Variants in BCL7B observed in about 807,000 individuals in gnomAD.
The protein encoded by BCL7B is B-cell CLL/lymphoma 7 protein family member B.
BCL7B carries 11 observed loss-of-function variants against 26.5 expected under a neutral mutation model. That is an observed-to-expected ratio of 0.42 (90% CI 0.26 to 0.69). The LOEUF is 0.69. Ranked by LOEUF, BCL7B falls within the 30% of genes least tolerant of loss-of-function variation. The probability of loss-of-function intolerance (pLI) is 0.28; values close to 1 mark genes in which losing one functional copy is unlikely to be tolerated. For missense variants in BCL7B, 215 were observed against 264.4 expected, an observed-to-expected ratio of 0.81 and a Z score of 1.30; for synonymous variants, 111 against 107.9, an observed-to-expected ratio of 1.03 and a Z score of -0.18.
intron 1 of BCL7B, 155 bp downstream of exon 1, chr7:73,557,332 C>G: frequency 8.5e-7 from 1 of 1,176,914 alleles, no homozygotes; most frequent in Non-Finnish European, 1.1e-6. Context: ...CGCCCTCTGA[C>G]CTCACGCCGA....
At position 73,537,328 on chromosome 7, in the gene BCL7B, G is replaced by A. The variant is rs1390236271; in HGVS notation, c.579C>T (p.Pro193=). The stretch of plus-strand genomic sequence containing the variant: ...TTTCTGACGCCGTCTGCGGCACTGT[G>A]GGTTGGTCCACACAGAAGCGCTTCA... ...PPLKRFCVDQ[P]TVPQTASES Residue 193 remains proline (P), a synonymous_variant, in exon 6 of 6, where the codon CCC becomes CCT. Transcript: ENST00000223368. 1.9e-6 allele frequency: 3 copies of A among 1,614,034 alleles called. No individual in the cohort carries two copies. The highest frequency in any genetic ancestry group is 1.1e-5 in the South Asian group (1 of 91,090).
chr7:73,540,070 C>T lies in BCL7B; in HGVS notation c.266-18G>A. 1.9e-6 allele frequency: 3 copies of T among 1,610,130 alleles called. No individual in the cohort carries two copies. The highest frequency in any genetic ancestry group is 2.5e-6 in the Non-Finnish European group (3 of 1,178,372). On this transcript the variant is annotated intron_variant, in intron 3 of 5. Transcript: ENST00000223368. ...GTTTTCGTCTGAAAACCAAACAGAA[C>T]AAAGGCAGCAGCTGAGCGTGGTCAT...
In BCL7B at chr7:73,557,418, C is replaced by G. The variant is rs545627817; in HGVS notation, c.92+69G>C. 221 of 1,225,968 alleles carry G rather than the reference C, an allele frequency of 1.8e-4. 1 individual carries two copies. The highest frequency in any genetic ancestry group is 9.9e-4 in the Middle Eastern group (3 of 3,024). 75.9% of individuals were successfully genotyped at this position (1,225,968 alleles called of 1,614,324 possible). The stretch of plus-strand genomic sequence containing the variant: ...CCGGCCGGTCGGCTCCCACCTGACC[C>G]GCCAGTCCCACGCTCCTCAGGGCCT... On this transcript the variant is annotated intron_variant, in intron 1 of 5. Transcript: ENST00000223368.
In BCL7B at chr7:73,539,796, G is replaced by A. The variant is rs77296132; in HGVS notation, c.436+86C>T. 1.6e-3 allele frequency: 2,455 copies of A among 1,512,084 alleles called. 25 individuals carry two copies. In the African/African-American group the frequency reaches 0.029, roughly 18 times the overall value. 93.7% of individuals were successfully genotyped at this position (1,512,084 alleles called of 1,614,324 possible). The stretch of plus-strand genomic sequence containing the variant: ...CTGCCTGGCTCTGAGGTGCTCTCTC[G>A]AGCCTGTTACTCTAAAGACGAGACA... On this transcript the variant is annotated intron_variant, in intron 4 of 5. Transcript: ENST00000223368.
chr7:73,543,673 C>T (rs1791854271), intron 2 of BCL7B, 29 bp from the exon 3 acceptor site: 1 of 1,571,354 alleles, frequency 6.4e-7, no homozygotes, highest in Admixed American at 1.7e-5. Flanking sequence ...AGGAATATGA[C>T]AGAGCCAAGC....
chr7:73,538,707 G>A (rs1791634892), intron 4 of BCL7B, among the ~76,000 whole-genome samples: 3 of 151,412 alleles, frequency 2.0e-5, no homozygotes, highest in South Asian at 2.1e-4. Flanking sequence ...CTACTACTAC[G>A]GAGTCTGAGG....
At chr7:73,540,844 A>AAAAAG (rs1791740352) in intron 3 of BCL7B, among the ~76,000 whole-genome samples, 1 of 146,614 alleles carries the variant, frequency 6.8e-6, no homozygotes, top group Non-Finnish European at 1.5e-5. Flanking sequence ...AAAAAAAAAA[A>AAAAAG]AAAAAAAAAA....
At chr7:73,557,078 G>C (rs1053948306) in intron 1 of BCL7B, 22 of 989,192 alleles carry the variant, frequency 2.2e-5, no homozygotes, top group Non-Finnish European at 3.6e-6. Context: ...CGCTCAGCCT[G>C]GCGGGCTGAC....
intron 3 of BCL7B, among the ~76,000 whole-genome samples, chr7:73,541,208 C>T (rs966384906): frequency 2.6e-5 from 4 of 151,952 alleles, no homozygotes; most frequent in Admixed American, 1.3e-4. Flanking sequence ...TGCATTCCTC[C>T]GCTGCACCTA....
rs938511475 is a variant in BCL7B at position 73,537,184 on chromosome 7, C to T, written c.*114G>A. The T allele has an allele frequency of 4.8e-5, 46 of 949,954 alleles. No homozygotes were observed. The highest frequency in any genetic ancestry group is 4.9e-5 in the Non-Finnish European group (30 of 613,062). 58.8% of individuals were successfully genotyped at this position (949,954 alleles called of 1,614,324 possible). ...CGCCAGCCTTCCAGCCCGGAAGGCT[C>T]ATGTGTGCAGGCTCTTGACCCCAGT... On this transcript the variant is annotated 3_prime_UTR_variant, in exon 6 of 6. Coordinates refer to ENST00000223368, the MANE Select transcript of BCL7B (RefSeq NM_001707.4).
At chr7:73,548,010 C>A (rs782144854) in intron 2 of BCL7B, among the ~76,000 whole-genome samples, 1 of 152,102 alleles carries the variant, frequency 6.6e-6, no homozygotes, top group Non-Finnish European at 1.5e-5. Flanking sequence ...GTTTCAGCTA[C>A]TGGGAGGCTA....
At chr7:73,543,667 A>C (rs1791854057) in intron 2 of BCL7B, 23 bp from the exon 3 acceptor site, 2 of 1,593,886 alleles carry the variant, frequency 1.3e-6, no homozygotes, top group Non-Finnish European at 1.7e-6. Context: ...AAAAAGAGGA[A>C]TATGACAGAG....
At chr7:73,543,407 A>G in intron 3 of BCL7B, 141 bp downstream of exon 3, 1 of 718,126 alleles carries the variant, frequency 1.4e-6, no homozygotes, top group Non-Finnish European at 2.4e-6. Flanking sequence ...TGAACTCCTG[A>G]CCTCAGGTGA....
chr7:73,550,421 T>C (rs141025797), intron 2 of BCL7B, among the ~76,000 whole-genome samples: 180 of 151,914 alleles, frequency 1.2e-3, no homozygotes, highest in African/African-American at 4.3e-3. Context: ...GGCAGGCGCC[T>C]GTAATCCCAG....
intron 1 of BCL7B, among the ~76,000 whole-genome samples, chr7:73,553,999 T>TCTCCG (rs1792272014): frequency 7.1e-6 from 1 of 140,996 alleles, no homozygotes; most frequent in African/African-American, 2.7e-5. Context: ...TGAGATAGGG[T>TCTCCG]CTCCGTCACC....
At chr7:73,556,066 G>A (rs1482014954) in intron 1 of BCL7B, among the ~76,000 whole-genome samples, 1 of 152,184 alleles carries the variant, frequency 6.6e-6, no homozygotes, top group African/African-American at 2.4e-5. Flanking sequence ...GGTCAAAAAT[G>A]GGGAGAAGAG....
Position 73,557,168 on chromosome 7 carries a change from CG to C in BCL7B, c.92+318del, listed in dbSNP as rs1452627776. On this transcript the variant is annotated intron_variant, in intron 1 of 5. Transcript: ENST00000223368. ...GCCACTGCCCAGGAAGAGGGGAGGG[CG>C]GGCCCCGGGCTGGGCCGGGCGCGGG... is the stretch of plus-strand genomic sequence containing the variant. 19 of 1,017,036 alleles carry C rather than the reference CG, an allele frequency of 1.9e-5. No homozygotes were observed. In the African/African-American group the frequency reaches 3.3e-4, roughly 17 times the overall value. The allele number at this position is 1,017,036 out of a possible 1,614,324, so 63.0% of individuals were successfully genotyped here.
chr7:73,557,314 G>C (rs1327366232), intron 1 of BCL7B, 173 bp downstream of exon 1: 1 of 1,166,756 alleles, frequency 8.6e-7, no homozygotes, highest in Non-Finnish European at 1.1e-6. Context: ...GATTGGCCGC[G>C]GCCGGCGCGC....
At position 73,537,024 on chromosome 7, in the gene BCL7B, G is replaced by C; in HGVS notation, c.*274C>G. 2 of 362,194 alleles carry C rather than the reference G, an allele frequency of 5.5e-6. No individual in the cohort carries two copies. The highest frequency in any genetic ancestry group is 7.8e-4 in the Middle Eastern group (1 of 1,288). 22.4% of individuals were successfully genotyped at this position (362,194 alleles called of 1,614,324 possible). ...CTGGAGCAGAGACTGCTGCCTGGAG[G>C]TCACAGATGAATCTTGGGGTGGCCG... On this transcript the variant is annotated 3_prime_UTR_variant, in exon 6 of 6. Coordinates refer to ENST00000223368, the MANE Select transcript of BCL7B (RefSeq NM_001707.4).
Sources: gnomAD v4.1 joint callset for allele counts (sites outside exome capture counted in the v4.1 genomes callset) on GRCh38, gnomAD v4.1.1 for gene constraint, MANE v1.5 for transcripts, NCBI Gene and HGNC (gene_info 2026-07-23, HGNC 2026-07-21) for gene names.